The following AMBRA1 variants were observed in gnomAD, a reference collection of about 807,000 sequenced individuals.
AMBRA1 encodes the protein activating molecule in BECN1-regulated autophagy protein 1.
A neutral mutation model predicts 125.4 loss-of-function variants in AMBRA1; 47 were observed. The ratio of observed to expected loss-of-function variants is 0.37; its 90% CI spans 0.30 to 0.48. The LOEUF (loss-of-function observed/expected upper bound fraction) is 0.48, where lower values mean the gene tolerates loss of function less well. Ranked by LOEUF, AMBRA1 falls within the 20% of genes least tolerant of loss-of-function variation. AMBRA1 has a pLI of 0.99. For missense variants in AMBRA1, 1,331 were observed against 1,693.4 expected (o/e 0.79, Z 3.76); for synonymous variants, 626 against 655.5 (o/e 0.95, Z 0.69).
At position 46,508,312 on chromosome 11, in the gene AMBRA1, T is replaced by C. The variant is rs1327007871; in HGVS notation, c.2218A>G (p.Ser740Gly). 5 of 1,614,096 alleles carry C rather than the reference T, an allele frequency of 3.1e-6. No individual in the cohort carries two copies. Among genetic ancestry groups the C allele is most frequent in the Non-Finnish European group, 4.2e-6 (5 of 1,180,036 alleles). The part of the protein sequence containing the change: ...RMIQYLSRRD[S>G]IRQRSMRYQQ... ...TAGCGCATGGAGCGCTGGCGAATAC[T>C]GTCTCTCCGTGAGAGATACTGGATC... Residue 740 changes from serine (S) to glycine (G), a missense_variant, in exon 9 of 18, where the codon AGT (serine) becomes GGT (glycine). Ser to Gly is a moderately conservative substitution (Grantham distance 56, BLOSUM62 0). Coordinates refer to ENST00000683756, the MANE Select transcript of AMBRA1 (RefSeq NM_001387011.1).
intron 1 of AMBRA1, among the ~76,000 whole-genome samples, chr11:46,586,001 T>C (rs2044386357): frequency 6.6e-6 from 1 of 151,534 alleles, no homozygotes; most frequent in African/African-American, 2.4e-5. Flanking sequence ...ACAGGGTTTC[T>C]CCACGTTGGT....
In AMBRA1 at chr11:46,452,984, G is replaced by A. The variant is rs1265701009; in HGVS notation, c.2522-9386C>T. On this transcript the variant is annotated intron_variant, in intron 11 of 17. Coordinates refer to ENST00000683756, the MANE Select transcript of AMBRA1 (RefSeq NM_001387011.1). The stretch of plus-strand genomic sequence containing the variant: ...ACAATTCAAGGTTATTAGCATATCC[G>A]CACAGTTATGTAACCATCAGCAAAT... Among the ~76,000 whole-genome samples the A allele has an allele frequency of 5.3e-5, 8 of 152,030 alleles. No individual in the cohort carries two copies. The East Asian group carries it at 9.6e-4, about 18-fold the overall frequency.
rs1379469341 is a variant in AMBRA1, at chr11:46,397,598, G to A, written c.3749C>T (p.Ser1250Phe). ...GREPTQPTLPSSSPVPIPVSL... is the reference protein window; with the variant it reads ...GREPTQPTLPFSSPVPIPVSL... ...AACAGGAATGGGGACAGGGGAGGAAGAGGGCAGGGTTGGCTGGGTTGGCTC... is the reference window on the plus strand; with the variant it reads ...AACAGGAATGGGGACAGGGGAGGAAAAGGGCAGGGTTGGCTGGGTTGGCTC... Residue 1250 changes from serine to phenylalanine, a missense_variant, in exon 18 of 18, where the codon TCT becomes TTT. This residue lies in a region of AMBRA1 where 144 missense variants were observed against 133.9 expected (regional missense o/e 1.08). Coordinates refer to ENST00000683756, the MANE Select transcript of AMBRA1 (RefSeq NM_001387011.1). The A allele has an allele frequency of 6.2e-7, 1 of 1,605,268 alleles. No individual in the cohort carries two copies. Among genetic ancestry groups the A allele is most frequent in the East Asian group, 2.2e-5 (1 of 44,732 alleles).
At chr11:46,504,042 T>C (rs1240948679) in intron 9 of AMBRA1, among the ~76,000 whole-genome samples, 1 of 152,172 alleles carries the variant, frequency 6.6e-6, no homozygotes, top group Admixed American at 6.5e-5. Flanking sequence ...ATCCAGTGGC[T>C]AGTATATACG....
intron 7 of AMBRA1, among the ~76,000 whole-genome samples, chr11:46,540,764 C>T (rs1282464873): frequency 4.6e-5 from 7 of 152,228 alleles, no homozygotes; most frequent in Admixed American, 4.6e-4. Context: ...CGGTACCATA[C>T]AATGAAGCAT....
At chr11:46,425,310 T>TTGTGTGTGTG (rs34321655) in intron 14 of AMBRA1, among the ~76,000 whole-genome samples, 5,355 of 135,458 alleles carry the variant, frequency 0.04, 120 homozygotes, top group Non-Finnish European at 0.046. Context: ...CTTGATCCAT[T>TTGTGTGTGTG]TGTGTGTGTG....
intron 15 of AMBRA1, among the ~76,000 whole-genome samples, chr11:46,412,153 G>A (rs989940909): frequency 2.0e-5 from 3 of 152,150 alleles, no homozygotes; most frequent in African/African-American, 7.2e-5. Context: ...TATCTTTGGG[G>A]AATTGGTTCC....
chr11:46,438,301 T>A (rs1947827152), intron 12 of AMBRA1, among the ~76,000 whole-genome samples: 1 of 152,200 alleles, frequency 6.6e-6, no homozygotes, highest in Admixed American at 6.5e-5. Flanking sequence ...GACTCTGCAA[T>A]GTAATCTCCT....
intron 15 of AMBRA1, among the ~76,000 whole-genome samples, chr11:46,411,857 C>T (rs1006129730): frequency 6.6e-6 from 1 of 152,044 alleles, no homozygotes. Flanking sequence ...AACTCCTGGG[C>T]TCAAATGATC....
chr11:46,585,897 C>T (rs187698160), intron 1 of AMBRA1, among the ~76,000 whole-genome samples: 12 of 149,302 alleles, frequency 8.0e-5, no homozygotes, highest in South Asian at 6.4e-4. Flanking sequence ...CCTCCGCCTC[C>T]GGGGTTCAAG....
intron 1 of AMBRA1, among the ~76,000 whole-genome samples, chr11:46,554,831 G>T (rs915537978): frequency 2.2e-4 from 34 of 152,082 alleles, no homozygotes; most frequent in African/African-American, 8.2e-4. Flanking sequence ...TGAGACAAAG[G>T]TTACCAACAA....
chr11:46,558,085 C>G (rs1041708488), intron 1 of AMBRA1, among the ~76,000 whole-genome samples: 2 of 152,150 alleles, frequency 1.3e-5, no homozygotes, highest in Admixed American at 6.5e-5. Flanking sequence ...CAACCACCAG[C>G]TGAAAGCAGA....
chr11:46,488,050 T>C (rs1490653464), intron 11 of AMBRA1, among the ~76,000 whole-genome samples: 1 of 152,100 alleles, frequency 6.6e-6, no homozygotes, highest in Admixed American at 6.6e-5. Flanking sequence ...AGACAAAAAA[T>C]ATTACTAGAC....
intron 15 of AMBRA1, 113 bp from the exon 16 acceptor site, chr11:46,410,481 T>C (rs1462911769): frequency 2.2e-6 from 2 of 900,872 alleles, no homozygotes; most frequent in African/African-American, 1.6e-5. Context: ...CCTTTCTCTC[T>C]CCTGGGGCTG....
At chr11:46,481,355 C>T (rs1165365468) in intron 11 of AMBRA1, among the ~76,000 whole-genome samples, 1 of 152,110 alleles carries the variant, frequency 6.6e-6, no homozygotes, top group Non-Finnish European at 1.5e-5. Flanking sequence ...GTAGCCCCCT[C>T]CCCAGTAGCA....
chr11:46,403,278 G>C (rs1437209559), intron 17 of AMBRA1, among the ~76,000 whole-genome samples: 3 of 152,194 alleles, frequency 2.0e-5, no homozygotes, highest in Non-Finnish European at 4.4e-5. Flanking sequence ...TGCCCTTCCT[G>C]ACCTCTGGGA....
chr11:46,508,590 C>G (rs978634118), intron 8 of AMBRA1, among the ~76,000 whole-genome samples: 5 of 152,198 alleles, frequency 3.3e-5, no homozygotes, highest in African/African-American at 9.7e-5. Flanking sequence ...GGCAAACAGG[C>G]AGCTTAACCA....
chr11:46,567,574 C>T (rs112327359), intron 1 of AMBRA1, among the ~76,000 whole-genome samples: 1,798 of 148,476 alleles, frequency 0.012, 42 homozygotes, highest in African/African-American at 0.043. Context: ...TTGGCCAAGC[C>T]GGTCTCGAAC....
At position 46,593,985 on chromosome 11, in the gene AMBRA1, C is replaced by G. The variant is rs1204453202; in HGVS notation, c.-278G>C. The stretch of plus-strand genomic sequence containing the variant: ...GCCTCGCGGACAACTCAGCCCTCGA[C>G]CCGGCGCCGCCGCCGCTCAGGAGAC... On this transcript the variant is annotated 5_prime_UTR_variant, in exon 1 of 18. Transcript: ENST00000683756. 5.0e-6 allele frequency: 2 copies of G among 398,536 alleles called. No homozygotes were observed. The highest frequency in any genetic ancestry group is 8.8e-6 in the Non-Finnish European group (2 of 226,104). The allele number at this position is 398,536 out of a possible 1,614,324, so 24.7% of individuals were successfully genotyped here.
Sources: gnomAD v4.1 joint callset for allele counts (sites outside exome capture counted in the v4.1 genomes callset) on GRCh38, gnomAD v4.1.1 for gene constraint, gnomAD v4.1.1 regional missense constraint, MANE v1.5 for transcripts, NCBI Gene and HGNC (gene_info 2026-07-23, HGNC 2026-07-21) for gene names.